Variants in MAP4 observed in about 807,000 individuals in gnomAD.
The protein encoded by MAP4 is microtubule associated protein 4.
Under a neutral mutation model 170.2 loss-of-function variants are expected in MAP4, and 76 were observed. That is an observed-to-expected ratio of 0.45 (90% confidence interval 0.37 to 0.54). MAP4 has a LOEUF of 0.54. Among genes scored for constraint, MAP4 ranks in the 20% least tolerant of loss-of-function variants. The pLI is 0.00. For synonymous variants in MAP4, 909 were observed against 994.5 expected, an observed-to-expected ratio of 0.91 and a Z score of 1.62; for missense variants, 2,506 against 2,748.0, an observed-to-expected ratio of 0.91 and a Z score of 1.97.
At chr3:47,932,106 C>T (rs1024992781) in intron 3 of MAP4, among the ~76,000 whole-genome samples, 5 of 152,144 alleles carry the variant, frequency 3.3e-5, no homozygotes, top group Non-Finnish European at 5.9e-5. Context: ...CCCTACCCCT[C>T]GGTAACCACT....
intron 1 of MAP4, among the ~76,000 whole-genome samples, chr3:48,074,247 G>A (rs1408390026): frequency 7.3e-6 from 1 of 137,870 alleles, no homozygotes; most frequent in African/African-American, 2.7e-5. Context: ...TCATAGGTGG[G>A]AATTGAACAA....
intron 1 of MAP4, among the ~76,000 whole-genome samples, chr3:48,074,680 GT>G (rs1559906091): frequency 7.9e-6 from 1 of 126,938 alleles, no homozygotes; most frequent in East Asian, 2.6e-4. Context: ...AGCTAATTGT[GT>G]GTGTGTGTGT....
intron 1 of MAP4, among the ~76,000 whole-genome samples, chr3:48,041,165 G>A (rs2100121441): frequency 6.6e-6 from 1 of 152,118 alleles, no homozygotes; most frequent in African/African-American, 2.4e-5. Flanking sequence ...AGGCTGGAGT[G>A]CAGTGGCACA....
chr3:47,933,439 TTTTC>T (rs916866214), intron 3 of MAP4, among the ~76,000 whole-genome samples: 5 of 152,034 alleles, frequency 3.3e-5, no homozygotes, highest in African/African-American at 7.3e-5. Context: ...AATAAAGTTT[TTTTC>T]TTTCTTTTTT....
At position 47,911,352 on chromosome 3, in the gene MAP4, G is replaced by T; in HGVS notation, c.3069C>A (p.Asn1023Lys). 6.5e-7 allele frequency: 1 copy of T among 1,535,972 alleles called. No individual in the cohort carries two copies. Among genetic ancestry groups the T allele is most frequent in the Admixed American group, 2.0e-5 (1 of 50,954 alleles). Residue 1023 changes from asparagine to lysine, a missense_variant, in exon 9 of 21, where the codon AAC becomes AAA. By Grantham distance (94) the Asn-to-Lys change is moderately conservative (BLOSUM62 0). Coordinates refer to ENST00000683076, the MANE Select transcript of MAP4 (RefSeq NM_001385682.1). The surrounding 1 kb of genome is among the most constrained non-coding windows in gnomAD (Gnocchi z 4.0). ...TAAAGATGCTGATCTCTTGTCTTTC[G>T]TTGGGAAAAGCTTCCTTTTTTAGTT... ...DKELKKEAFP[N>K]ERQEISIFTS...
intron 3 of MAP4, among the ~76,000 whole-genome samples, chr3:47,930,549 T>C (rs138019740): frequency 2.0e-4 from 30 of 151,810 alleles, no homozygotes; most frequent in African/African-American, 7.0e-4. Context: ...TCGAGAAATA[T>C]CTGCAAATCA....
chr3:48,053,966 C>T (rs1559864277), intron 1 of MAP4, among the ~76,000 whole-genome samples: 3 of 152,028 alleles, frequency 2.0e-5, no homozygotes, highest in Non-Finnish European at 2.9e-5. Context: ...AAATTATCTA[C>T]ATTAAATAAA....
At position 47,875,001 on chromosome 3, in the gene MAP4, G is replaced by T. The variant is rs141812845; in HGVS notation, c.5757+684C>A. 7.1e-4 allele frequency among the ~76,000 whole-genome samples: 107 copies of T among 151,056 alleles called. 2 individuals carry two copies. The East Asian group carries it at 0.018, about 26-fold the overall frequency. The stretch of plus-strand genomic sequence containing the variant: ...TATCCTCTCCTCCTGGAGCAATTCT[G>T]TAACACTAATGCTGCTCCAAATGTG... On this transcript the variant is annotated intron_variant, in intron 12 of 20. Transcript: ENST00000683076.
chr3:48,066,523 T>C (rs1277760072), intron 1 of MAP4, among the ~76,000 whole-genome samples: 3 of 152,154 alleles, frequency 2.0e-5, no homozygotes, highest in Non-Finnish European at 4.4e-5. Context: ...AGACACAGTT[T>C]CACTCTGCCT....
chr3:47,864,479 A>G (rs2075822038), intron 17 of MAP4, among the ~76,000 whole-genome samples: 1 of 152,168 alleles, frequency 6.6e-6, no homozygotes, highest in South Asian at 2.1e-4. Flanking sequence ...GATGGAGACC[A>G]TTCTGGCTAA....
At chr3:47,933,450 T>C (rs188525513) in intron 3 of MAP4, among the ~76,000 whole-genome samples, 3 of 152,238 alleles carry the variant, frequency 2.0e-5, no homozygotes, top group East Asian at 1.9e-4. Context: ...TTTCTTTCTT[T>C]TTTTTGAGAC....
chr3:47,867,580 T>G (rs1430505579), intron 16 of MAP4, among the ~76,000 whole-genome samples: 2 of 152,234 alleles, frequency 1.3e-5, no homozygotes, highest in African/African-American at 2.4e-5. Flanking sequence ...GCGCAGGCAC[T>G]GCATGTTGGT....
chr3:47,998,308 T>A (rs1428527236), intron 2 of MAP4, among the ~76,000 whole-genome samples: 3 of 152,228 alleles, frequency 2.0e-5, no homozygotes, highest in Admixed American at 1.3e-4. Flanking sequence ...AATGAAGTTC[T>A]GATATAACCG....
At chr3:47,945,090 C>T (rs1226080593) in intron 3 of MAP4, among the ~76,000 whole-genome samples, 2 of 151,682 alleles carry the variant, frequency 1.3e-5, no homozygotes, top group African/African-American at 4.8e-5. Flanking sequence ...CGGTGGCTCA[C>T]ACCTGTAATC....
intron 3 of MAP4, among the ~76,000 whole-genome samples, chr3:47,940,762 A>G (rs2100055781): frequency 6.6e-6 from 1 of 152,210 alleles, no homozygotes; most frequent in South Asian, 2.1e-4. Context: ...ATGGTTTCAG[A>G]TTCCCCATTG....
At chr3:47,896,680 G>T (rs2100027069) in intron 10 of MAP4, among the ~76,000 whole-genome samples, 1 of 152,148 alleles carries the variant, frequency 6.6e-6, no homozygotes, top group African/African-American at 2.4e-5. Context: ...CTGGAGAACT[G>T]CTGCACTCTG....
intron 1 of MAP4, among the ~76,000 whole-genome samples, chr3:48,021,565 C>T (rs1218048753): frequency 2.6e-5 from 4 of 152,150 alleles, no homozygotes; most frequent in African/African-American, 9.7e-5. Context: ...CCAGGCTGTT[C>T]TCAAACTCCT....
At chr3:47,891,464 G>A (rs1191140735) in intron 10 of MAP4, 2 of 1,526,216 alleles carry the variant, frequency 1.3e-6, no homozygotes, top group Non-Finnish European at 1.8e-6. Context: ...CCCAGGTGTA[G>A]GACTAGGCAT....
At chr3:47,880,691 G>A (rs530774570) in intron 10 of MAP4, among the ~76,000 whole-genome samples, 1 of 152,060 alleles carries the variant, frequency 6.6e-6, no homozygotes, top group East Asian at 1.9e-4. Flanking sequence ...CAAACTGACC[G>A]GTCTCAAGCA....
Sources: gnomAD v4.1 joint callset for allele counts (sites outside exome capture counted in the v4.1 genomes callset) on GRCh38, gnomAD v4.1.1 for gene constraint, Gnocchi (gnomAD v3.1) non-coding constraint, MANE v1.5 for transcripts, NCBI Gene and HGNC (gene_info 2026-07-23, HGNC 2026-07-21) for gene names.